LRIG2: variants seen among roughly 807,000 people sequenced by gnomAD.
LRIG2 encodes the protein leucine-rich repeats and immunoglobulin-like domains protein 2.
In LRIG2, 93 loss-of-function variants were observed where a neutral mutation model predicts 107.8. The ratio of observed to expected loss-of-function variants is 0.86; its 90% CI spans 0.73 to 1.03. LRIG2 has a LOEUF of 1.03. Among genes scored for constraint, LRIG2 ranks in the 50% least tolerant of loss-of-function variants. The probability of loss-of-function intolerance (pLI) is 0.00; values close to 1 mark genes in which losing one functional copy is unlikely to be tolerated. For synonymous variants in LRIG2, 471 were observed against 470.6 expected (o/e 1.00, Z -0.01); for missense variants, 1,226 against 1,296.0 (o/e 0.95, Z 0.83).
chr1:113,080,569 G>A (rs1475263366), intron 1 of LRIG2, among the ~76,000 whole-genome samples: 1 of 151,578 alleles, frequency 6.6e-6, no homozygotes, highest in Non-Finnish European at 1.5e-5. Flanking sequence ...TCAGTAGGAC[G>A]TGGTTTCACC....
chr1:113,108,681 G>T (rs1447840400), intron 12 of LRIG2, among the ~76,000 whole-genome samples: 3 of 151,582 alleles, frequency 2.0e-5, no homozygotes, highest in Non-Finnish European at 2.9e-5. Flanking sequence ...GTTCGAGACC[G>T]GCCTGGCCAG....
chr1:113,106,609 G>C (rs902092484), intron 11 of LRIG2, among the ~76,000 whole-genome samples: 1 of 151,964 alleles, frequency 6.6e-6, no homozygotes, highest in African/African-American at 2.4e-5. Context: ...GGTTCAAGCA[G>C]TTCTCCTGCC....
intron 11 of LRIG2, among the ~76,000 whole-genome samples, chr1:113,105,440 C>T (rs1237767365): frequency 6.6e-6 from 1 of 152,122 alleles, no homozygotes; most frequent in African/African-American, 2.4e-5. Context: ...AATTATATAA[C>T]TTTAATGGAA....
intron 11 of LRIG2, among the ~76,000 whole-genome samples, chr1:113,104,377 A>G (rs566369379): frequency 3.3e-5 from 5 of 152,296 alleles, no homozygotes; most frequent in Non-Finnish European, 7.4e-5. Context: ...TCCCAAAAGT[A>G]ATGACTTGGG....
intron 1 of LRIG2, among the ~76,000 whole-genome samples, chr1:113,083,890 T>C (rs1159521703): frequency 1.4e-5 from 2 of 146,952 alleles, no homozygotes; most frequent in Non-Finnish European, 3.0e-5. Context: ...CATTAGGAGA[T>C]ATACCTAATG....
chr1:113,087,649 C>G (rs1425807794), intron 1 of LRIG2, among the ~76,000 whole-genome samples: 1 of 152,066 alleles, frequency 6.6e-6, no homozygotes, highest in Non-Finnish European at 1.5e-5. Context: ...GCGCCTGGCC[C>G]CGAAGTCTTC....
At position 113,096,002 on chromosome 1, in the gene LRIG2, A is replaced by G. The variant is rs1654050220; in HGVS notation, c.932A>G (p.Gln311Arg). The G allele has an allele frequency of 1.2e-6, 2 of 1,614,214 alleles. No individual in the cohort carries two copies. Among genetic ancestry groups the G allele is most frequent in the Non-Finnish European group, 1.7e-6 (2 of 1,180,034 alleles). Reference protein sequence around the residue: ...RISPDAWEFCQRLSELDLSYN... With the variant: ...RISPDAWEFCRRLSELDLSYN... ...AGCCCTGATGCATGGGAGTTCTGCC[A>G]AAGACTATCCGAACTGTAAGTGTTG... The change falls in exon 7 of 18, where the codon CAA (glutamine) becomes CGA (arginine). Residue 311 changes from glutamine (Q) to arginine (R), a missense_variant. Physicochemically the swap from Gln to Arg is conservative, Grantham distance 43. Transcript: ENST00000361127.
chr1:113,078,638 A>ATT (rs34531634), intron 1 of LRIG2, among the ~76,000 whole-genome samples: 6 of 139,026 alleles, frequency 4.3e-5, no homozygotes, highest in South Asian at 2.3e-4. Context: ...TCCTTTCTAC[A>ATT]TTTTTTTTTT....
In LRIG2 at chr1:113,114,414, G is replaced by C. The variant is rs1454262261; in HGVS notation, c.2081-13G>C. Reference sequence around the variant, plus strand: ...ACTTTTCATTTTTTTTTTTTTTAATGTTTTCCTGTTAGAGACACCCTCATT... The same window carrying C: ...ACTTTTCATTTTTTTTTTTTTTAATCTTTTCCTGTTAGAGACACCCTCATT... On this transcript the variant is annotated splice_polypyrimidine_tract_variant and intron_variant, in intron 14 of 17. Coordinates refer to ENST00000361127, the MANE Select transcript of LRIG2 (RefSeq NM_014813.3). 2.7e-6 allele frequency: 4 copies of C among 1,457,206 alleles called. No individual in the cohort carries two copies. In the African/African-American group the frequency reaches 5.8e-5, roughly 21 times the overall value. The allele number at this position is 1,457,206 out of a possible 1,614,324, so 90.3% of individuals were successfully genotyped here. A position where few individuals can be genotyped will look rare whatever the true frequency, so the allele number is the denominator to read the frequency against.
At chr1:113,096,754 G>C (rs1220901884) in intron 8 of LRIG2, among the ~76,000 whole-genome samples, 4 of 152,196 alleles carry the variant, frequency 2.6e-5, no homozygotes, top group African/African-American at 9.7e-5. Context: ...AACTGCCGTG[G>C]TAGGAGACCA....
At position 113,079,346 on chromosome 1, in the gene LRIG2, TA is replaced by T. The variant is rs141538883; in HGVS notation, c.239+5718del. Among the ~76,000 whole-genome samples, 566 of 123,090 alleles carry T rather than the reference TA, an allele frequency of 4.6e-3. 8 individuals are homozygous for T. The East Asian group carries it at 0.058, about 13-fold the overall frequency. 80.8% of individuals were successfully genotyped at this position (123,090 alleles called of 152,430 possible). On this transcript the variant is annotated intron_variant, in intron 1 of 17. Coordinates refer to ENST00000361127, the MANE Select transcript of LRIG2 (RefSeq NM_014813.3). ...CTGGGAGACAGAGCAAGATCCTATT[TA>T]AAAAAAAAAAAAAAAAGAAGAGAAA...
In LRIG2 at chr1:113,094,892, A is replaced by G; in HGVS notation, c.803+137A>G. ...CTGGTCACTGATGTGAAGTAAGCGT[A>G]CATAAAACCTTTAAAGTTTTGTTAG... On this transcript the variant is annotated intron_variant, in intron 6 of 17. Transcript: ENST00000361127. The G allele has an allele frequency of 6.7e-6, 5 of 743,546 alleles. No individual in the cohort carries two copies. The South Asian group carries it at 2.1e-4, about 31-fold the overall frequency. The allele number at this position is 743,546 out of a possible 1,614,324, so 46.1% of individuals were successfully genotyped here. A position where few individuals can be genotyped will look rare whatever the true frequency, so the allele number is the denominator to read the frequency against.
Position 113,080,055 on chromosome 1 carries a change from T to G in LRIG2, c.239+6410T>G, listed in dbSNP as rs187482878. Among the ~76,000 whole-genome samples the G allele has an allele frequency of 5.0e-3, 629 of 125,234 alleles. 7 individuals carry two copies. The highest frequency in any genetic ancestry group is 0.018 in the African/African-American group (590 of 33,100). 82.2% of individuals were successfully genotyped at this position (125,234 alleles called of 152,430 possible). Reference sequence around the variant, plus strand: ...TTTTTTTTTTGAGACGGAATCTTGCTCTGTCGCCAGGCTGGAGTGCAGTGG... The same window carrying G: ...TTTTTTTTTTGAGACGGAATCTTGCGCTGTCGCCAGGCTGGAGTGCAGTGG... On this transcript the variant is annotated intron_variant, in intron 1 of 17. Coordinates refer to ENST00000361127, the MANE Select transcript of LRIG2 (RefSeq NM_014813.3).
In LRIG2 at chr1:113,095,946, CTA is replaced by C. The variant is rs1654045844; in HGVS notation, c.878_879del (p.Tyr293CysfsTer7). On this transcript the variant is annotated frameshift_variant, in exon 7 of 18. Transcript: ENST00000361127. LOFTEE classifies it high-confidence loss of function. Reference protein sequence around the residue: ...LYGLRMLQQLYVSQNAIERIS... With the variant: ...LYGLRMLQQLXVSQNAIERIS... ...ATGGCTTGCGAATGTTACAGCAGCT[CTA>C]TGTGAGCCAGAATGCTATTGAAAGA... 1.2e-6 allele frequency: 2 copies of C among 1,614,050 alleles called. No individual in the cohort carries two copies. Among genetic ancestry groups the C allele is most frequent in the African/African-American group, 1.3e-5 (1 of 74,926 alleles).
chr1:113,075,882 AG>A (rs1652957390), intron 1 of LRIG2, among the ~76,000 whole-genome samples: 1 of 151,384 alleles, frequency 6.6e-6, no homozygotes, highest in South Asian at 2.1e-4. Context: ...TTTTTAGTAG[AG>A]GTGGGGTTTC....
rs763211009 is a variant in LRIG2 at position 113,094,405 on chromosome 1, A to G, written c.582A>G (p.Leu194=). The change falls in exon 5 of 18, where the codon TTA becomes TTG. Residue 194 remains leucine, a synonymous_variant. Coordinates refer to ENST00000361127, the MANE Select transcript of LRIG2 (RefSeq NM_014813.3). ...AGCFDNLSSS[L]LVVKLNRNRM... ...GCTTCGATAATTTATCAAGTTCCTT[A>G]TTAGTGGTAAAGTTAAACCGTAACC... is the stretch of plus-strand genomic sequence containing the variant. 1.9e-6 allele frequency: 3 copies of G among 1,613,322 alleles called. No homozygotes were observed. The African/African-American group carries it at 4.0e-5, about 22-fold the overall frequency.
intron 2 of LRIG2, 32 bp from the exon 3 acceptor site, chr1:113,093,174 A>G (rs1346005432): frequency 7.1e-7 from 1 of 1,408,978 alleles, no homozygotes; most frequent in African/African-American, 1.4e-5. Context: ...TTCCCTCACT[A>G]AACATTTAAA....
At chr1:113,108,244 A>C (rs951151698) in intron 12 of LRIG2, among the ~76,000 whole-genome samples, 1 of 139,440 alleles carries the variant, frequency 7.2e-6, no homozygotes, top group African/African-American at 2.8e-5. Flanking sequence ...TTTTTTTTCT[A>C]ATGGAGTCTT....
At position 113,119,361 on chromosome 1, in the gene LRIG2, C is replaced by T. The variant is rs1421085479; in HGVS notation, c.2809C>T (p.Leu937Phe). 2 of 1,613,986 alleles carry T rather than the reference C, an allele frequency of 1.2e-6. No individual in the cohort carries two copies. The highest frequency in any genetic ancestry group is 2.2e-5 in the South Asian group (2 of 91,062). ...EDVLDQTLSSLMVQMPKETYL... is the reference protein window; with the variant it reads ...EDVLDQTLSSFMVQMPKETYL... ...CGTTCTTGATCAGACACTGTCCAGC[C>T]TCATGGTCCAAATGCCTAAAGAGAC... is the stretch of plus-strand genomic sequence containing the variant. Residue 937 changes from leucine (L) to phenylalanine (F), a missense_variant, in exon 17 of 18, where the codon CTC (leucine) becomes TTC (phenylalanine). By Grantham distance (22) the Leu-to-Phe change is conservative. Coordinates refer to ENST00000361127, the MANE Select transcript of LRIG2 (RefSeq NM_014813.3).
Sources: allele counts gnomAD v4.1 joint callset (sites outside exome capture counted in the v4.1 genomes callset), GRCh38; gene constraint gnomAD v4.1.1; transcripts MANE v1.5; gene names NCBI Gene and HGNC (gene_info 2026-07-23, HGNC 2026-07-21).